TMEM31: variants seen among roughly 807,000 people sequenced by gnomAD.
The protein encoded by TMEM31 is testicular secretory protein Li 58.
Under a neutral mutation model 2.4 loss-of-function variants are expected in TMEM31, and 1 was observed. The ratio of observed to expected loss-of-function variants is 0.42; its 90% CI spans 0.15 to 1.97. The LOEUF is 1.97. TMEM31 is among the 30% of genes most tolerant of loss of function. The probability of loss-of-function intolerance (pLI) is 0.30; values close to 1 mark genes in which losing one functional copy is unlikely to be tolerated. For synonymous variants in TMEM31, 47 were observed against 45.8 expected (o/e 1.03, Z -0.10); for missense variants, 119 against 121.3 (o/e 0.98, Z 0.09).
intron 1 of TMEM31, 62 bp from the exon 2 acceptor site, chrX:103,712,174 G>A: frequency 1.2e-6 from 1 of 868,723 alleles, no homozygotes; most frequent in Non-Finnish European, 1.6e-6. Flanking sequence ...CTATTGTCTG[G>A]GCAATTGGGG....
intron 1 of TMEM31, among the ~76,000 whole-genome samples, chrX:103,711,328 CAGAAAATT>C (rs2074222220): frequency 9.1e-6 from 1 of 109,988 alleles, no homozygotes; most frequent in South Asian, 3.9e-4. Flanking sequence ...ACTAAAAATA[CAGAAAATT>C]AGCCGGGCGT....
intron 2 of TMEM31, 50 bp downstream of exon 2, chrX:103,712,410 A>C (rs1457150412): frequency 9.8e-7 from 1 of 1,023,168 alleles, no homozygotes; most frequent in Non-Finnish European, 1.3e-6. Context: ...TCCTCTTATA[A>C]TGCTCCCCTA....
At chrX:103,713,501 G>A (rs769597150) in intron 2 of TMEM31, 93 bp from the exon 3 acceptor site, 33 of 1,201,668 alleles carry the variant, frequency 2.7e-5, no homozygotes, top group Non-Finnish European at 3.5e-5. Context: ...GCAGTGGGCC[G>A]CTCCCTAGTT....
At position 103,713,756 on chromosome X, in the gene TMEM31, G is replaced by C. The variant is rs372888966; in HGVS notation, c.265G>C (p.Ala89Pro). The change falls in exon 3 of 3, where the codon GCT becomes CCT. Residue 89 changes from alanine (A) to proline (P), a missense_variant. Physicochemically the swap from Ala to Pro is conservative, Grantham distance 27 (BLOSUM62 -1). Coordinates refer to ENST00000319560, the MANE Select transcript of TMEM31 (RefSeq NM_182541.2). Reference protein sequence around the residue: ...EWIFNPYRLPALFELYPEFLL... With the variant: ...EWIFNPYRLPPLFELYPEFLL... The stretch of plus-strand genomic sequence containing the variant: ...GATTTTCAACCCCTATCGATTGCCT[G>C]CTCTTTTTGAGCTTTATCCTGAATT... 59 of 1,209,344 alleles carry C rather than the reference G, an allele frequency of 4.9e-5. No individual in the cohort carries two copies. The highest frequency in any genetic ancestry group is 6.4e-5 in the Non-Finnish European group (57 of 895,139).
At position 103,711,415 on chromosome X, in the gene TMEM31, C is replaced by T. The variant is rs72616831; in HGVS notation, c.-24+339C>T. The stretch of plus-strand genomic sequence containing the variant: ...AGGAGAATGGCGTGAACCCGGGAGG[C>T]GGAGCTTGCAGTGAGCCCAGATCAC... On this transcript the variant is annotated intron_variant, in intron 1 of 2. Coordinates refer to ENST00000319560, the MANE Select transcript of TMEM31 (RefSeq NM_182541.2). 1.8e-3 allele frequency among the ~76,000 whole-genome samples: 184 copies of T among 103,443 alleles called. 6 individuals are homozygous for T. The East Asian group carries it at 0.05, about 28-fold the overall frequency. The allele number at this position is 103,443 out of a possible 115,157, so 89.8% of individuals were successfully genotyped here. A position where few individuals can be genotyped will look rare whatever the true frequency, so the allele number is the denominator to read the frequency against.
Position 103,713,617 on chromosome X carries a change from A to G in TMEM31, c.126A>G (p.Thr42=), listed in dbSNP as rs769015860. The change falls in exon 3 of 3, where the codon ACA becomes ACG. Residue 42 remains threonine (T), a synonymous_variant. Transcript: ENST00000319560. ...SEQHTPARQR[T]QRADTQPSRC... is the part of the protein sequence containing the mutation. ...AGCATACTCCAGCAAGGCAGCGAAC[A>G]CAAAGAGCAGACACACAGCCATCCA... The G allele has an allele frequency of 8.2e-7, 1 of 1,212,349 alleles. No individual in the cohort carries two copies. Among genetic ancestry groups the G allele is most frequent in the Non-Finnish European group, 1.1e-6 (1 of 895,666 alleles).
rs770120643 is a variant in TMEM31 at position 103,713,771 on chromosome X, T to C, written c.280T>C (p.Tyr94His). 1.7e-6 allele frequency: 2 copies of C among 1,211,672 alleles called. No individual in the cohort carries two copies. ...TCGATTGCCTGCTCTTTTTGAGCTT[T>C]ATCCTGAATTTCTTCTGGTGTTTAA... ...PYRLPALFEL[Y>H]PEFLLVFKEA... The change falls in exon 3 of 3, where the codon TAT (tyrosine) becomes CAT (histidine). Residue 94 changes from tyrosine (Y) to histidine (H), a missense_variant. Tyr to His is a moderately conservative substitution (Grantham distance 83). Transcript: ENST00000319560.
Position 103,713,747 on chromosome X carries a change from C to A in TMEM31, c.256C>A (p.Arg86=). The change falls in exon 3 of 3, where the codon CGA becomes AGA. Residue 86 remains arginine (R), a synonymous_variant. Transcript: ENST00000319560. ...TACTGAGTGGATTTTCAACCCCTAT[C>A]GATTGCCTGCTCTTTTTGAGCTTTA... ...WPTEWIFNPY[R]LPALFELYPE... 8.3e-7 allele frequency: 1 copy of A among 1,211,308 alleles called. No individual in the cohort carries two copies. The highest frequency in any genetic ancestry group is 1.8e-5 in the South Asian group (1 of 56,941).
intron 2 of TMEM31, 71 bp from the exon 3 acceptor site, chrX:103,713,523 G>A: frequency 1.7e-6 from 2 of 1,210,746 alleles, no homozygotes; most frequent in East Asian, 3.0e-5. Context: ...TACTCACCAA[G>A]CGTTGGCGCC....
In TMEM31 at chrX:103,712,301, C is replaced by T. The variant is rs1425309655; in HGVS notation, c.43C>T (p.Pro15Ser). 1 of 1,209,991 alleles carries T rather than the reference C, an allele frequency of 8.3e-7. No individual in the cohort carries two copies. The highest frequency in any genetic ancestry group is 2.2e-5 in the Admixed American group (1 of 45,874). The change falls in exon 2 of 3, where the codon CCC becomes TCC. Residue 15 changes from proline to serine, a missense_variant. Coordinates refer to ENST00000319560, the MANE Select transcript of TMEM31 (RefSeq NM_182541.2). ...GAGTGAGGGAGAACAACAACTCAAGCCCAACAACTCTAATGCACCCAATGA... is the reference window on the plus strand; with the variant it reads ...GAGTGAGGGAGAACAACAACTCAAGTCCAACAACTCTAATGCACCCAATGA... The part of the protein sequence containing the change: ...EKSEGEQQLK[P>S]NNSNAPNEDQ...
rs2074234860 is a variant in TMEM31 at position 103,713,909 on chromosome X, C to T, written c.418C>T (p.Leu140Phe). 8.3e-7 allele frequency: 1 copy of T among 1,211,932 alleles called. No individual in the cohort carries two copies. The highest frequency in any genetic ancestry group is 3.0e-5 in the East Asian group (1 of 33,860). ...CACCCTCTACTTCTACAAGTTTTTC[C>T]TTCCTACAATTCTTTCCCTTTCTTT... ...LSTLYFYKFF[L>F]PTILSLSFFI... Residue 140 changes from leucine (L) to phenylalanine (F), a missense_variant, in exon 3 of 3, where the codon CTT (leucine) becomes TTT (phenylalanine). Physicochemically the swap from Leu to Phe is conservative, Grantham distance 22. Coordinates refer to ENST00000319560, the MANE Select transcript of TMEM31 (RefSeq NM_182541.2).
intron 1 of TMEM31, 102 bp from the exon 2 acceptor site, chrX:103,712,134 C>G: frequency 1.9e-6 from 1 of 539,700 alleles, no homozygotes; most frequent in Non-Finnish European, 3.0e-6. Flanking sequence ...GGCCCAGGCA[C>G]CTCTGTTGTC....
intron 2 of TMEM31, among the ~76,000 whole-genome samples, chrX:103,713,278 C>T (rs1307914369): frequency 9.0e-6 from 1 of 111,610 alleles, no homozygotes; most frequent in Non-Finnish European, 1.9e-5. Flanking sequence ...TTAGTAGAGA[C>T]AGGGCTTCTC....
At chrX:103,711,364 G>A (rs867666021) in intron 1 of TMEM31, among the ~76,000 whole-genome samples, 2 of 109,813 alleles carry the variant, frequency 1.8e-5, no homozygotes, top group African/African-American at 6.6e-5. Flanking sequence ...GGCGCCTGTA[G>A]TCCCAGCTAC....
In TMEM31 at chrX:103,713,684, G is replaced by A. The variant is rs768431099; in HGVS notation, c.193G>A (p.Asp65Asn). Reference sequence around the variant, plus strand: ...ACGTAGGACACCTACAACATCCAGCGACAGAACGATCAACCTTCTTGAAGT... The same window carrying A: ...ACGTAGGACACCTACAACATCCAGCAACAGAACGATCAACCTTCTTGAAGT... ...PSRRTPTTSS[D>N]RTINLLEVLP... is the part of the protein sequence containing the mutation. Residue 65 changes from aspartate to asparagine, a missense_variant, in exon 3 of 3, where the codon GAC becomes AAC. Coordinates refer to ENST00000319560, the MANE Select transcript of TMEM31 (RefSeq NM_182541.2). 7 of 1,210,389 alleles carry A rather than the reference G, an allele frequency of 5.8e-6. No individual in the cohort carries two copies. Among genetic ancestry groups the A allele is most frequent in the African/African-American group, 3.5e-5 (2 of 57,205 alleles).
intron 2 of TMEM31, 53 bp downstream of exon 2, chrX:103,712,413 C>T: frequency 9.8e-7 from 1 of 1,017,582 alleles, no homozygotes. Flanking sequence ...TCTTATAATG[C>T]TCCCCTAGAA....
At chrX:103,712,611 C>T (rs2074228438) in intron 2 of TMEM31, among the ~76,000 whole-genome samples, 1 of 111,915 alleles carries the variant, frequency 8.9e-6, no homozygotes, top group African/African-American at 3.3e-5. Flanking sequence ...GTGGTGTGAT[C>T]TCAGCTCACT....
chrX:103,713,535 C>G (rs761928815), intron 2 of TMEM31, 59 bp from the exon 3 acceptor site: 1 of 1,209,813 alleles, frequency 8.3e-7, no homozygotes, highest in Admixed American at 2.2e-5. Flanking sequence ...GTTGGCGCCT[C>G]TGCCTTCTTC....
At chrX:103,711,492 A>G (rs1187834466) in intron 1 of TMEM31, among the ~76,000 whole-genome samples, 1 of 110,520 alleles carries the variant, frequency 9.0e-6, no homozygotes, top group Non-Finnish European at 1.9e-5. Flanking sequence ...TCAAAAAAAA[A>G]AAAAAAAAGA....
Sources: gnomAD v4.1 joint callset for allele counts (sites outside exome capture counted in the v4.1 genomes callset) on GRCh38, gnomAD v4.1.1 for gene constraint, MANE v1.5 for transcripts, NCBI Gene and HGNC (gene_info 2026-07-23, HGNC 2026-07-21) for gene names.